The following NR1I2 variants were observed in gnomAD, a reference collection of about 807,000 sequenced individuals.
The protein encoded by NR1I2 is orphan nuclear receptor PAR1.
In NR1I2, 42 loss-of-function variants were observed where a neutral mutation model predicts 43.3. The ratio of observed to expected loss-of-function variants is 0.97; its 90% confidence interval spans 0.76 to 1.26. The LOEUF is 1.26. NR1I2 is among the 50% of genes most tolerant of loss of function. NR1I2 has a pLI of 0.00. For synonymous variants in NR1I2, 229 were observed against 215.0 expected (o/e 1.06, Z -0.57); for missense variants, 559 against 566.7 (o/e 0.99, Z 0.14).
intron 3 of NR1I2, chr3:119,811,238 G>T: frequency 3.3e-6 from 1 of 304,600 alleles, no homozygotes; most frequent in Non-Finnish European, 6.1e-6. Context: ...AAGCTTTCAT[G>T]CAAACCCAGC....
At position 119,815,049 on chromosome 3, in the gene NR1I2, AAC is replaced by A. The variant is rs746946629; in HGVS notation, c.869_870del (p.Thr290SerfsTer47). 2 of 1,613,986 alleles carry A rather than the reference AAC, an allele frequency of 1.2e-6. No homozygotes were observed. Among genetic ancestry groups the A allele is most frequent in the Admixed American group, 1.7e-5 (1 of 59,992 alleles). ...TTTCGAGCTGTGTCAACTGAGATTC[AAC>A]ACAGTGTTCAACGCGGAGACTGGAA... On this transcript the variant is annotated frameshift_variant, in exon 6 of 9. Transcript: ENST00000393716. LOFTEE classifies it high-confidence loss of function.
chr3:119,815,489 C>A (rs1342433887), intron 7 of NR1I2, 50 bp downstream of exon 7: 1 of 1,464,384 alleles, frequency 6.8e-7, no homozygotes, highest in Non-Finnish European at 9.6e-7. Context: ...CTTATCTGCC[C>A]TCCCCAGGGA....
rs771359202 is a variant in NR1I2, at chr3:119,807,230, C to G, written c.-21C>G. The G allele has an allele frequency of 1.1e-5, 17 of 1,613,708 alleles. 1 individual carries two copies. The highest frequency in any genetic ancestry group is 5.0e-5 in the Admixed American group (3 of 59,990). ...TCTCTGTGGTTTTCTCATTTCTAGT[C>G]CAAGAGGCCCAGAAGCAAACCTGGA... On this transcript the variant is annotated splice_region_variant and 5_prime_UTR_variant, in exon 2 of 9. Coordinates refer to ENST00000393716, the MANE Select transcript of NR1I2 (RefSeq NM_003889.4).
intron 1 of NR1I2, chr3:119,792,447 T>C (rs1559783848): frequency 8.6e-7 from 1 of 1,160,144 alleles, no homozygotes; most frequent in Non-Finnish European, 1.3e-6. Flanking sequence ...CTGATGGAGC[T>C]GTGCAAGCTG....
At chr3:119,808,199 C>T (rs1364759524) in intron 2 of NR1I2, among the ~76,000 whole-genome samples, 1 of 152,226 alleles carries the variant, frequency 6.6e-6, no homozygotes, top group Non-Finnish European at 1.5e-5. Context: ...GTCTGAAGGC[C>T]TCCAGGTTAG....
rs1049502738 is a variant in NR1I2, at chr3:119,788,348, C to A, written c.-23+6048C>A. On this transcript the variant is annotated intron_variant, in intron 1 of 8. Transcript: ENST00000393716. Reference sequence around the variant, plus strand: ...GCCCAGGTTCATCTGAAATTCCTGGCCTCAAGTGATCCTCCTGCCTCAGCC... The same window carrying A: ...GCCCAGGTTCATCTGAAATTCCTGGACTCAAGTGATCCTCCTGCCTCAGCC... 2.6e-5 allele frequency among the ~76,000 whole-genome samples: 4 copies of A among 152,054 alleles called. No individual in the cohort carries two copies. In the East Asian group the frequency reaches 7.7e-4, roughly 29 times the overall value.
At chr3:119,814,749 G>T (rs2055294303) in intron 5 of NR1I2, among the ~76,000 whole-genome samples, 1 of 152,202 alleles carries the variant, frequency 6.6e-6, no homozygotes, top group South Asian at 2.1e-4. Context: ...AGTGGGTGGA[G>T]TTCCCGGAGG....
chr3:119,812,966 A>G lies in NR1I2; in HGVS notation c.794+6A>G. On this transcript the variant is annotated splice_donor_region_variant and intron_variant, in intron 5 of 8. Coordinates refer to ENST00000393716, the MANE Select transcript of NR1I2 (RefSeq NM_003889.4). ...AAAGTCATCTCCTACTTCAGGTAGG[A>G]CATGGAGACTGGGTGGTTGGGTGTG... 6.2e-7 allele frequency: 1 copy of G among 1,612,664 alleles called. No homozygotes were observed. Among genetic ancestry groups the G allele is most frequent in the Non-Finnish European group, 8.5e-7 (1 of 1,180,018 alleles).
chr3:119,814,890 C>T, intron 5 of NR1I2, 89 bp from the exon 6 acceptor site: 3 of 1,561,910 alleles, frequency 1.9e-6, no homozygotes, highest in Admixed American at 3.4e-5. Context: ...CCTCTCGCCC[C>T]CAACTTCTGG....
At chr3:119,804,411 A>G (rs1279561173) in intron 1 of NR1I2, among the ~76,000 whole-genome samples, 2 of 147,764 alleles carry the variant, frequency 1.4e-5, no homozygotes, top group East Asian at 2.0e-4. Flanking sequence ...TACATTTAAT[A>G]TATTTACATT....
intron 1 of NR1I2, among the ~76,000 whole-genome samples, chr3:119,789,736 C>G (rs1244946221): frequency 1.3e-5 from 2 of 152,186 alleles, no homozygotes; most frequent in Non-Finnish European, 2.9e-5. Context: ...CTTCCCTGTC[C>G]TGCCTTCTCT....
intron 1 of NR1I2, among the ~76,000 whole-genome samples, chr3:119,804,820 GC>G (rs1394745644): frequency 1.3e-5 from 2 of 151,892 alleles, no homozygotes; most frequent in Non-Finnish European, 2.9e-5. Context: ...CTCTCTAATT[GC>G]CTTCTTTTGA....
In NR1I2 at chr3:119,815,793, G is replaced by C. The variant is rs2055319293; in HGVS notation, c.1122G>C (p.Lys374Asn). 1.2e-6 allele frequency: 2 copies of C among 1,613,628 alleles called. No homozygotes were observed. Among genetic ancestry groups the C allele is most frequent in the Non-Finnish European group, 1.7e-6 (2 of 1,179,816 alleles). The change falls in exon 8 of 9, where the codon AAG (lysine) becomes AAC (asparagine). Residue 374 changes from lysine to asparagine, a missense_variant. This residue lies in a region of NR1I2 where 323 missense variants were observed against 312.2 expected (regional missense o/e 1.03). Coordinates refer to ENST00000393716, the MANE Select transcript of NR1I2 (RefSeq NM_003889.4). ...AGGAGCAATTCGCCATTACTCTGAA[G>C]TCCTACATTGAATGCAATCGGCCCC...
At chr3:119,788,226 G>A (rs1032588672) in intron 1 of NR1I2, among the ~76,000 whole-genome samples, 2 of 152,022 alleles carry the variant, frequency 1.3e-5, no homozygotes, top group South Asian at 2.1e-4. Flanking sequence ...TGATCCTCCC[G>A]CCTCAGCCCC....
intron 1 of NR1I2, among the ~76,000 whole-genome samples, chr3:119,787,953 C>G (rs2054867953): frequency 6.6e-6 from 1 of 151,960 alleles, no homozygotes; most frequent in Non-Finnish European, 1.5e-5. Flanking sequence ...GCTTCAAATT[C>G]AAGTTGCCCA....
chr3:119,789,406 C>T (rs1577268913), intron 1 of NR1I2, among the ~76,000 whole-genome samples: 2 of 152,132 alleles, frequency 1.3e-5, no homozygotes, highest in South Asian at 2.1e-4. Context: ...AGGCAAACGG[C>T]ATGTCTTACA....
At chr3:119,782,909 G>C in intron 1 of NR1I2, 1 of 1,398,646 alleles carries the variant, frequency 7.1e-7, no homozygotes, top group Middle Eastern at 1.8e-4. Flanking sequence ...ACCGAGTCTT[G>C]CCTGCATGTG....
intron 1 of NR1I2, among the ~76,000 whole-genome samples, chr3:119,797,611 T>C (rs1043055888): frequency 1.3e-5 from 2 of 152,222 alleles, no homozygotes; most frequent in East Asian, 3.8e-4. Context: ...GATACATACA[T>C]ACATATCTCT....
chr3:119,797,261 CCAAA>C (rs1164761411), intron 1 of NR1I2, among the ~76,000 whole-genome samples: 1 of 150,914 alleles, frequency 6.6e-6, no homozygotes, highest in Non-Finnish European at 1.5e-5. Flanking sequence ...TCCATTACCC[CCAAA>C]CAAACACAGG....
Sources: gnomAD v4.1 joint callset for allele counts (sites outside exome capture counted in the v4.1 genomes callset) on GRCh38, gnomAD v4.1.1 for gene constraint, gnomAD v4.1.1 regional missense constraint, MANE v1.5 for transcripts, NCBI Gene and HGNC (gene_info 2026-07-23, HGNC 2026-07-21) for gene names.